Variants in TMIGD2 observed in about 807,000 individuals in gnomAD.
TMIGD2 encodes the protein transmembrane and immunoglobulin domain-containing protein 2.
TMIGD2 carries 18 observed loss-of-function variants against 22.6 expected under a neutral mutation model. That is an observed-to-expected ratio of 0.80 (90% CI 0.55 to 1.18). The LOEUF is 1.18. Among genes scored for constraint, TMIGD2 ranks in the 50% most tolerant of loss-of-function variants. The probability of loss-of-function intolerance (pLI) is 0.00; values close to 1 mark genes in which losing one functional copy is unlikely to be tolerated. For synonymous variants in TMIGD2, 184 were observed against 154.1 expected, an observed-to-expected ratio of 1.19 and a Z score of -1.44; for missense variants, 361 against 378.2, an observed-to-expected ratio of 0.95 and a Z score of 0.38.
At chr19:4,292,538 C>T (rs778369732) in exon 5 of TMIGD2, 14 of 1,526,950 alleles carry the variant, frequency 9.2e-6, no homozygotes, top group East Asian at 6.8e-5. Flanking sequence ...TGTCTGGCCT[C>T]GATCCCCCCT....
exon 2 of TMIGD2, chr19:4,298,075 T>C: frequency 6.2e-7 from 1 of 1,613,658 alleles, no homozygotes; most frequent in Non-Finnish European, 8.5e-7. Flanking sequence ...CGCCCCGCTG[T>C]GGTTGAGGCT....
intron 2 of TMIGD2, among the ~76,000 whole-genome samples, chr19:4,296,668 G>A (rs1446272925): frequency 6.6e-6 from 1 of 151,932 alleles, no homozygotes; most frequent in Non-Finnish European, 1.5e-5. Flanking sequence ...GGGAAGAGGT[G>A]GGTAACACAG....
At chr19:4,298,124 G>T in exon 2 of TMIGD2, 1 of 1,613,452 alleles carries the variant, frequency 6.2e-7, no homozygotes, top group Non-Finnish European at 8.5e-7. Flanking sequence ...CTGGGTGCCT[G>T]CCAGGAGAGC....
At position 4,297,882 on chromosome 19, in the gene TMIGD2, A is replaced by G. The variant is rs1021221733; in HGVS notation, c.406+104T>C. 1.5e-5 allele frequency: 20 copies of G among 1,337,382 alleles called. No homozygotes were observed. The African/African-American group carries it at 1.7e-4, about 11-fold the overall frequency. The allele number at this position is 1,337,382 out of a possible 1,614,324, so 82.8% of individuals were successfully genotyped here. A position where few individuals can be genotyped will look rare whatever the true frequency, so the allele number is the denominator to read the frequency against. On this transcript the variant is annotated intron_variant, in intron 2 of 4. Transcript: ENST00000301272. ...TTAAAAAAAAAAAAAAAAGTTTGAT[A>G]TGAAGAATTTAGAGTTTTTTGTTTC...
exon 4 of TMIGD2, chr19:4,294,621 C>T: frequency 6.2e-7 from 1 of 1,609,860 alleles, no homozygotes; most frequent in Non-Finnish European, 8.5e-7. Flanking sequence ...CAGAACCAGG[C>T]ACCCCACACG....
At chr19:4,296,015 C>T (rs1394752569) in intron 2 of TMIGD2, among the ~76,000 whole-genome samples, 1 of 152,058 alleles carries the variant, frequency 6.6e-6, no homozygotes, top group African/African-American at 2.4e-5. Context: ...AACTCCTGGG[C>T]TCAAGTGATC....
chr19:4,292,443 GCCAGGC>G, exon 5 of TMIGD2: 1 of 792,220 alleles, frequency 1.3e-6, no homozygotes, highest in East Asian at 2.5e-5. Context: ...CCAGGTTCAA[GCCAGGC>G]TGGTCTCAAA....
rs543076045 is a variant in TMIGD2 at position 4,300,324 on chromosome 19, A to C, written c.47-1979T>G. Among the ~76,000 whole-genome samples the C allele has an allele frequency of 2.7e-3, 404 of 151,006 alleles. 5 individuals carry two copies. Among genetic ancestry groups the C allele is most frequent in the African/African-American group, 9.5e-3 (389 of 40,976 alleles). ...CTATAATCCCAGCACTTTGGGAGGC[A>C]GAGGCGGGCGGATCACGAGGTCAGG... On this transcript the variant is annotated intron_variant, in intron 1 of 4. Transcript: ENST00000301272.
rs1288600309 is a variant in TMIGD2, at chr19:4,292,586, C to A, written c.*13G>T. ...CCTATGGGTGGGGTCCTGTTGAGGT[C>A]TCCTGGGATCTCTCACTCCTCTCCC... On this transcript the variant is annotated 3_prime_UTR_variant, in exon 5 of 5. Coordinates refer to ENST00000301272, the Ensembl canonical transcript of TMIGD2. The A allele has an allele frequency of 3.7e-6, 6 of 1,610,656 alleles. No homozygotes were observed. The East Asian group carries it at 1.3e-4, about 36-fold the overall frequency.
intron 1 of TMIGD2, among the ~76,000 whole-genome samples, chr19:4,298,760 C>A (rs921141663): frequency 9.2e-5 from 14 of 151,620 alleles, no homozygotes; most frequent in Non-Finnish European, 1.3e-4. Flanking sequence ...AAAAAAAAAA[C>A]CAAAGAACCT....
At chr19:4,296,139 G>A (rs369003298) in intron 2 of TMIGD2, among the ~76,000 whole-genome samples, 252 of 152,232 alleles carry the variant, frequency 1.7e-3, no homozygotes, top group African/African-American at 5.9e-3. Flanking sequence ...AGCTGGTCTC[G>A]ACCTCCTGGC....
Position 4,294,463 on chromosome 19 carries a change from T to G in TMIGD2, c.562+104A>C. 7 of 957,284 alleles carry G rather than the reference T, an allele frequency of 7.3e-6. No homozygotes were observed. The South Asian group carries it at 1.0e-4, about 14-fold the overall frequency. 59.3% of individuals were successfully genotyped at this position (957,284 alleles called of 1,614,324 possible). A position where few individuals can be genotyped will look rare whatever the true frequency, so the allele number is the denominator to read the frequency against. ...TAGGATATAGGAGCCAGGCTTCTCC[T>G]CCCTTCATCCCTCCTCCATCCTTCC... On this transcript the variant is annotated intron_variant, in intron 4 of 4. Transcript: ENST00000301272.
exon 5 of TMIGD2, chr19:4,292,686 G>A: frequency 1.2e-6 from 2 of 1,603,782 alleles, no homozygotes; most frequent in East Asian, 2.2e-5. Flanking sequence ...TAGAGACGGG[G>A]TGGCCGGGCC....
At chr19:4,294,170 C>T (rs1047493871) in intron 4 of TMIGD2, among the ~76,000 whole-genome samples, 1 of 151,060 alleles carries the variant, frequency 6.6e-6, no homozygotes, top group Non-Finnish European at 1.5e-5. Context: ...CGGGTTCAAG[C>T]GATCCTCCTG....
chr19:4,292,933 C>T (rs749606158), intron 4 of TMIGD2, 48 bp from the exon 5 acceptor site: 1 of 1,601,612 alleles, frequency 6.2e-7, no homozygotes, highest in South Asian at 1.1e-5. Flanking sequence ...AGAGTCCTGC[C>T]CTCTCCAGCT....
chr19:4,301,156 A>G (rs920279322), intron 1 of TMIGD2, among the ~76,000 whole-genome samples: 3 of 152,144 alleles, frequency 2.0e-5, no homozygotes, highest in African/African-American at 7.2e-5. Context: ...TATTTTTGGT[A>G]GAGATGGGGT....
Position 4,294,869 on chromosome 19 carries a change from G to C in TMIGD2, c.407-53C>G. The stretch of plus-strand genomic sequence containing the variant: ...GGTGCCAGGCTTCTCCACCCTCCAA[G>C]GACAGAGCTCACTTGGGGGGACCTA... On this transcript the variant is annotated intron_variant, in intron 2 of 4. Transcript: ENST00000301272. The C allele has an allele frequency of 3.3e-6, 5 of 1,501,182 alleles. No individual in the cohort carries two copies. In the South Asian group the frequency reaches 6.9e-5, roughly 21 times the overall value. 93.0% of individuals were successfully genotyped at this position (1,501,182 alleles called of 1,614,324 possible).
intron 2 of TMIGD2, 36 bp from the exon 3 acceptor site, chr19:4,294,852 G>T: frequency 6.5e-7 from 1 of 1,535,204 alleles, no homozygotes; most frequent in Admixed American, 2.1e-5. Flanking sequence ...GGGGTGCCAG[G>T]CTTCTCCACC....
In TMIGD2 at chr19:4,301,681, A is replaced by C. The variant is rs747815620; in HGVS notation, c.46+659T>G. 4.8e-4 allele frequency among the ~76,000 whole-genome samples: 73 copies of C among 152,158 alleles called. 1 individual carries two copies. The highest frequency in any genetic ancestry group is 8.8e-5 in the Non-Finnish European group (6 of 68,024). On this transcript the variant is annotated intron_variant, in intron 1 of 4. Transcript: ENST00000301272. ...CAAGACTCCTTCTCAAAACAAAACA[A>C]AACAAACAAACAAAAAAACACAAAT... is the stretch of plus-strand genomic sequence containing the variant.
Sources: gnomAD v4.1 joint callset for allele counts (sites outside exome capture counted in the v4.1 genomes callset) on GRCh38, gnomAD v4.1.1 for gene constraint, MANE v1.5 for transcripts, NCBI Gene and HGNC (gene_info 2026-07-23, HGNC 2026-07-21) for gene names.